PCSK5: variants seen among roughly 807,000 people sequenced by gnomAD.
PCSK5 encodes proprotein convertase subtilisin/kexin type 5.
PCSK5 carries 129 observed loss-of-function variants against 233.2 expected under a neutral mutation model. The observed-to-expected ratio is 0.55, with a 90% CI of 0.48 to 0.64. The LOEUF (loss-of-function observed/expected upper bound fraction) is 0.64, where lower values mean the gene tolerates loss of function less well. Ranked by LOEUF, PCSK5 falls within the 30% of genes least tolerant of loss-of-function variation. PCSK5 has a pLI of 0.00. For synonymous variants in PCSK5, 825 were observed against 879.2 expected (o/e 0.94, Z 1.09); for missense variants, 2,076 against 2,430.1 (o/e 0.85, Z 3.06).
chr9:75,895,631 C>T (rs1825770489), intron 1 of PCSK5, among the ~76,000 whole-genome samples: 1 of 152,136 alleles, frequency 6.6e-6, no homozygotes, highest in Admixed American at 6.5e-5. Context: ...TCATCCTAGT[C>T]ATAGGCCATG....
intron 5 of PCSK5, among the ~76,000 whole-genome samples, chr9:76,054,581 G>T (rs933361878): frequency 1.3e-5 from 2 of 152,184 alleles, no homozygotes; most frequent in East Asian, 3.8e-4. Context: ...TACTGTTTGT[G>T]CTCTGACTGA....
At chr9:76,057,034 G>T (rs1052111112) in intron 5 of PCSK5, among the ~76,000 whole-genome samples, 2 of 152,000 alleles carry the variant, frequency 1.3e-5, no homozygotes, top group African/African-American at 4.8e-5. Context: ...TTCATGTGTA[G>T]GTACATGTAT....
At chr9:76,111,812 A>G (rs1372740849) in intron 9 of PCSK5, among the ~76,000 whole-genome samples, 1 of 152,212 alleles carries the variant, frequency 6.6e-6, no homozygotes, top group Non-Finnish European at 1.5e-5. Flanking sequence ...CTGGCAGAAC[A>G]CCTTATGTTT....
At chr9:76,124,322 T>A (rs1377493651) in intron 9 of PCSK5, among the ~76,000 whole-genome samples, 1 of 152,160 alleles carries the variant, frequency 6.6e-6, no homozygotes, top group East Asian at 1.9e-4. Context: ...CAGTAAAGCA[T>A]CTGGTAAATA....
At chr9:75,959,781 T>G (rs1825261581) in intron 2 of PCSK5, among the ~76,000 whole-genome samples, 1 of 152,218 alleles carries the variant, frequency 6.6e-6, no homozygotes, top group Admixed American at 6.5e-5. Context: ...AAAAGACTAT[T>G]TATTGGATAC....
Position 76,049,317 on chromosome 9 carries a change from G to A in PCSK5, c.633-18638G>A, listed in dbSNP as rs969659721. Among the ~76,000 whole-genome samples the A allele has an allele frequency of 2.6e-5, 4 of 152,148 alleles. No individual in the cohort carries two copies. In the East Asian group the frequency reaches 7.7e-4, roughly 29 times the overall value. On this transcript the variant is annotated intron_variant, in intron 5 of 37. Transcript: ENST00000674117. The stretch of plus-strand genomic sequence containing the variant: ...GCTAAAATGTTGAATAGATCATTAG[G>A]GATTATAATAAATTATACGTTTTGA...
In PCSK5 at chr9:76,296,287, T is replaced by G. The variant is rs114820974; in HGVS notation, c.3323-378T>G. ...ACCTGGATTTATTAAAACACATTTC[T>G]TGGTTGACATAAGCTAAAGCCATCT... On this transcript the variant is annotated intron_variant, in intron 26 of 37. Coordinates refer to ENST00000674117, the MANE Select transcript of PCSK5 (RefSeq NM_001372043.1). Among the ~76,000 whole-genome samples the G allele has an allele frequency of 1.4e-3, 207 of 152,326 alleles. 1 individual carries two copies. The highest frequency in any genetic ancestry group is 4.9e-3 in the African/African-American group (203 of 41,584).
Position 76,310,711 on chromosome 9 carries a change from T to C in PCSK5, c.3744T>C (p.Pro1248=), listed in dbSNP as rs775349632. 1 of 1,611,050 alleles carries C rather than the reference T, an allele frequency of 6.2e-7. No individual in the cohort carries two copies. The highest frequency in any genetic ancestry group is 2.2e-5 in the East Asian group (1 of 44,802). ...CVSSCPQGTW[P]SVRSGSCENC... is the part of the protein sequence containing the mutation. ...CCTCCTGTCCCCAAGGCACATGGCC[T>C]TCCGTAAGGAGTGGGAGCTGCGAGA... The change falls in exon 30 of 38, where the codon CCT becomes CCC. Residue 1248 remains proline, a synonymous_variant. Transcript: ENST00000674117.
intron 10 of PCSK5, among the ~76,000 whole-genome samples, chr9:76,139,428 G>A (rs1823111687): frequency 6.6e-6 from 1 of 152,014 alleles, no homozygotes; most frequent in African/African-American, 2.4e-5. Context: ...ACTTTAATTG[G>A]TAATGTGTAC....
At chr9:75,992,678 A>G (rs909439665) in intron 3 of PCSK5, among the ~76,000 whole-genome samples, 2 of 152,210 alleles carry the variant, frequency 1.3e-5, no homozygotes, top group Non-Finnish European at 2.9e-5. Flanking sequence ...CTAGTAATTC[A>G]TATGACTGGT....
intron 30 of PCSK5, among the ~76,000 whole-genome samples, chr9:76,311,675 A>T (rs1335203592): frequency 1.3e-5 from 2 of 152,346 alleles, no homozygotes; most frequent in Admixed American, 1.3e-4. Flanking sequence ...AATGCCAAGT[A>T]AAATGACTGA....
intron 12 of PCSK5, among the ~76,000 whole-genome samples, chr9:76,167,068 A>G (rs910315236): frequency 6.6e-6 from 1 of 152,204 alleles, no homozygotes; most frequent in Non-Finnish European, 1.5e-5. Context: ...CATAAAGTGC[A>G]CCATCCTTTC....
chr9:76,280,950 C>G lies in PCSK5; in HGVS notation c.3143-11283C>G, dbSNP rs183597763. On this transcript the variant is annotated intron_variant, in intron 24 of 37. Coordinates refer to ENST00000674117, the MANE Select transcript of PCSK5 (RefSeq NM_001372043.1). Reference sequence around the variant, plus strand: ...AATCAAACCACAACATTTCCTTAAGCCAAAGCCTAATCCAGAGCAAGGACC... The same window carrying G: ...AATCAAACCACAACATTTCCTTAAGGCAAAGCCTAATCCAGAGCAAGGACC... 4.6e-3 allele frequency among the ~76,000 whole-genome samples: 700 copies of G among 152,106 alleles called. 4 individuals carry two copies. The highest frequency in any genetic ancestry group is 0.016 in the African/African-American group (655 of 41,450).
chr9:76,284,102 T>C (rs959808983), intron 24 of PCSK5, among the ~76,000 whole-genome samples: 2 of 151,010 alleles, frequency 1.3e-5, no homozygotes, highest in African/African-American at 4.9e-5. Flanking sequence ...GGAAAAATAA[T>C]TTATTTAGGC....
At chr9:76,124,023 A>G (rs1453858600) in intron 9 of PCSK5, among the ~76,000 whole-genome samples, 1 of 152,164 alleles carries the variant, frequency 6.6e-6, no homozygotes, top group Non-Finnish European at 1.5e-5. Context: ...TCTTTTCATT[A>G]ATATGTCCTG....
intron 24 of PCSK5, among the ~76,000 whole-genome samples, chr9:76,252,296 A>AT (rs1347202484): frequency 0.013 from 2,043 of 152,194 alleles, 40 homozygotes; most frequent in African/African-American, 0.046. Flanking sequence ...AATAATAATA[A>AT]AAATAAGATA....
At chr9:76,211,939 C>G (rs1473161297) in intron 20 of PCSK5, among the ~76,000 whole-genome samples, 3 of 152,156 alleles carry the variant, frequency 2.0e-5, no homozygotes, top group Non-Finnish European at 4.4e-5. Context: ...TGAGCATTCA[C>G]CCCCAGCAAG....
intron 20 of PCSK5, among the ~76,000 whole-genome samples, chr9:76,191,013 AAATG>A (rs1824349625): frequency 6.6e-6 from 1 of 152,240 alleles, no homozygotes; most frequent in African/African-American, 2.4e-5. Flanking sequence ...CCATCTGTAA[AAATG>A]AATGAATTTA....
At chr9:76,338,826 C>T (rs1829754469) in intron 35 of PCSK5, among the ~76,000 whole-genome samples, 1 of 152,144 alleles carries the variant, frequency 6.6e-6, no homozygotes, top group African/African-American at 2.4e-5. Context: ...GCCTCTTTTA[C>T]AGAAATCTAG....
Sources: gnomAD v4.1 joint callset for allele counts (sites outside exome capture counted in the v4.1 genomes callset) on GRCh38, gnomAD v4.1.1 for gene constraint, MANE v1.5 for transcripts, NCBI Gene and HGNC (gene_info 2026-07-23, HGNC 2026-07-21) for gene names.